PCDHA13: variants seen among roughly 807,000 people sequenced by gnomAD.
PCDHA13 encodes protocadherin alpha-13.
Under a neutral mutation model 64.8 loss-of-function variants are expected in PCDHA13, and 54 were observed. That is an observed-to-expected ratio of 0.83 (90% confidence interval 0.67 to 1.04). PCDHA13 has a LOEUF of 1.04. PCDHA13 is among the 50% of genes least tolerant of loss of function. PCDHA13 has a pLI of 0.00. For synonymous variants in PCDHA13, 587 were observed against 564.4 expected (o/e 1.04, Z -0.57); for missense variants, 1,248 against 1,254.3 (o/e 0.99, Z 0.08).
rs782343997 is a variant in PCDHA13 at position 140,882,709 on chromosome 5, T to C, written c.441T>C (p.Pro147=). 6 of 1,614,022 alleles carry C rather than the reference T, an allele frequency of 3.7e-6. No homozygotes were observed. In the Admixed American group the frequency reaches 6.7e-5, roughly 18 times the overall value. ...KKRIIIAESR[P]PETRFPLDGA... ...GAATAATCATTGCAGAATCTAGACC[T>C]CCGGAAACTCGATTTCCACTAGATG... is the stretch of plus-strand genomic sequence containing the variant. The change falls in exon 1 of 4, where the codon CCT becomes CCC. Residue 147 remains proline, a synonymous_variant. Coordinates refer to ENST00000289272, the MANE Select transcript of PCDHA13 (RefSeq NM_018904.3).
intron 1 of PCDHA13, among the ~76,000 whole-genome samples, chr5:140,909,383 C>T (rs782249699): frequency 5.9e-5 from 9 of 152,202 alleles, no homozygotes; most frequent in Non-Finnish European, 1.3e-4. Flanking sequence ...GAAACCACAT[C>T]TAGTACAGCA....
rs557640687 is a variant in PCDHA13 at position 140,964,686 on chromosome 5, C to T, written c.2395-14263C>T. 7.2e-5 allele frequency among the ~76,000 whole-genome samples: 11 copies of T among 151,874 alleles called. No individual in the cohort carries two copies. In the East Asian group the frequency reaches 2.1e-3, roughly 29 times the overall value. On this transcript the variant is annotated intron_variant, in intron 1 of 3. Coordinates refer to ENST00000289272, the MANE Select transcript of PCDHA13 (RefSeq NM_018904.3). ...ACAGGCCAGGTCCACAATTTGTGCA[C>T]TTGAGAGATTAAGGCCTCCGAGATC...
intron 3 of PCDHA13, among the ~76,000 whole-genome samples, chr5:140,999,591 C>T (rs2153957965): frequency 1.3e-5 from 2 of 152,208 alleles, no homozygotes; most frequent in South Asian, 4.2e-4. Flanking sequence ...AATTGCCTTC[C>T]CTACATCCTG....
Position 141,009,656 on chromosome 5 carries a change from G to T in PCDHA13, c.2572G>T (p.Val858Phe). The T allele has an allele frequency of 6.2e-7, 1 of 1,614,000 alleles. No individual in the cohort carries two copies. The highest frequency in any genetic ancestry group is 8.5e-7 in the Non-Finnish European group (1 of 1,179,978). Residue 858 changes from valine (V) to phenylalanine (F), a missense_variant, in exon 4 of 4, where the codon GTC (valine) becomes TTC (phenylalanine). Physicochemically the swap from Val to Phe is conservative, Grantham distance 50. Coordinates refer to ENST00000289272, the MANE Select transcript of PCDHA13 (RefSeq NM_018904.3). The stretch of plus-strand genomic sequence containing the variant: ...AGAGGCAGGAGAAGTGTCCCCTCCA[G>T]TCGGTGCGGGTGTCAACAGCAACAG... Reference protein sequence around the residue: ...EPEAGEVSPPVGAGVNSNSWT... With the variant: ...EPEAGEVSPPFGAGVNSNSWT...
intron 1 of PCDHA13, among the ~76,000 whole-genome samples, chr5:140,951,812 A>G (rs2094639418): frequency 1.3e-5 from 2 of 152,152 alleles, no homozygotes; most frequent in Admixed American, 1.3e-4. Context: ...ATGGTCCCTC[A>G]AAGTCTGAAC....
intron 1 of PCDHA13, chr5:140,969,549 C>A: frequency 1.6e-6 from 2 of 1,238,176 alleles, no homozygotes; most frequent in South Asian, 3.3e-5. Context: ...AGGCATGAAG[C>A]CTTGTCCATA....
At chr5:140,911,968 T>A (rs1554195054) in intron 1 of PCDHA13, among the ~76,000 whole-genome samples, 2 of 152,138 alleles carry the variant, frequency 1.3e-5, no homozygotes, top group East Asian at 3.9e-4. Flanking sequence ...TAAGGAGTAT[T>A]AACTCACATG....
At chr5:140,965,388 C>A (rs2095896527) in intron 1 of PCDHA13, among the ~76,000 whole-genome samples, 1 of 151,982 alleles carries the variant, frequency 6.6e-6, no homozygotes, top group Non-Finnish European at 1.5e-5. Flanking sequence ...CACAGAAGAA[C>A]AGAAGTCTAA....
At chr5:140,970,650 ATTG>A (rs2096422935) in intron 1 of PCDHA13, among the ~76,000 whole-genome samples, 1 of 152,200 alleles carries the variant, frequency 6.6e-6, no homozygotes, top group South Asian at 2.1e-4. Flanking sequence ...ATAGTGATGA[ATTG>A]TTATCTTTCC....
At chr5:140,885,157 C>G (rs2060491561) in intron 1 of PCDHA13, among the ~76,000 whole-genome samples, 1 of 151,962 alleles carries the variant, frequency 6.6e-6, no homozygotes, top group African/African-American at 2.4e-5. Context: ...TTGATTGTCT[C>G]TACTTTTTTG....
chr5:140,967,745 G>T, intron 1 of PCDHA13: 1 of 1,614,184 alleles, frequency 6.2e-7, no homozygotes, highest in Non-Finnish European at 8.5e-7. Flanking sequence ...GGATTATGAG[G>T]AAGCCTCCTC....
Position 140,883,262 on chromosome 5 carries a change from G to A in PCDHA13, c.994G>A (p.Gly332Ser), listed in dbSNP as rs1211665444. The A allele has an allele frequency of 6.2e-7, 1 of 1,613,838 alleles. No homozygotes were observed. Among genetic ancestry groups the A allele is most frequent in the Non-Finnish European group, 8.5e-7 (1 of 1,179,994 alleles). ...TGACAAAGGAAATATTCCAATGGCGGGTCATTGTACCCTTTTGGTGGAAGT... is the reference window on the plus strand; with the variant it reads ...TGACAAAGGAAATATTCCAATGGCGAGTCATTGTACCCTTTTGGTGGAAGT... Reference protein sequence around the residue: ...AVDKGNIPMAGHCTLLVEVLD... With the variant: ...AVDKGNIPMASHCTLLVEVLD... Residue 332 changes from glycine to serine, a missense_variant, in exon 1 of 4, where the codon GGT (glycine) becomes AGT (serine). Physicochemically the swap from Gly to Ser is moderately conservative, Grantham distance 56. Transcript: ENST00000289272.
chr5:140,906,075 C>A (rs2153492820), intron 1 of PCDHA13, among the ~76,000 whole-genome samples: 1 of 152,246 alleles, frequency 6.6e-6, no homozygotes, highest in African/African-American at 2.4e-5. Context: ...TAGATCGCAC[C>A]CACCCAGACT....
At chr5:140,959,544 T>C (rs2095494180) in intron 1 of PCDHA13, among the ~76,000 whole-genome samples, 1 of 152,208 alleles carries the variant, frequency 6.6e-6, no homozygotes, top group Non-Finnish European at 1.5e-5. Context: ...AGAGATGCTG[T>C]ATAAATAGAA....
chr5:140,882,218 G>A lies in PCDHA13; in HGVS notation c.-51G>A. The A allele has an allele frequency of 3.2e-6, 5 of 1,545,760 alleles. No homozygotes were observed. Among genetic ancestry groups the A allele is most frequent in the Non-Finnish European group, 4.4e-6 (5 of 1,145,626 alleles). ...AATTGGGCCTTGAGAGACAGTTTGA[G>A]GTAAGGCGTTGTATATATTGCAGAT... is the stretch of plus-strand genomic sequence containing the variant. On this transcript the variant is annotated 5_prime_UTR_variant, in exon 1 of 4. Transcript: ENST00000289272.
chr5:140,972,469 C>G (rs782470724), intron 1 of PCDHA13, among the ~76,000 whole-genome samples: 6 of 152,054 alleles, frequency 3.9e-5, no homozygotes, highest in Admixed American at 3.9e-4. Context: ...TATTAAACAT[C>G]AGCATTTAAC....
intron 1 of PCDHA13, among the ~76,000 whole-genome samples, chr5:140,931,894 A>G (rs1242530874): frequency 1.3e-5 from 2 of 151,966 alleles, no homozygotes; most frequent in African/African-American, 4.8e-5. Flanking sequence ...TTTTATTTCA[A>G]ATCATTTGAA....
chr5:140,884,340 C>G lies in PCDHA13; in HGVS notation c.2072C>G (p.Ala691Gly), dbSNP rs1480799859. Residue 691 changes from alanine (A) to glycine (G), a missense_variant, in exon 1 of 4, where the codon GCG becomes GGG. Coordinates refer to ENST00000289272, the MANE Select transcript of PCDHA13 (RefSeq NM_018904.3). ...TCGGCAGGCGCTGTGGGTCCAGAAGCGGCGCTGGTGGATGTCAATGTTTAC... is the reference window on the plus strand; with the variant it reads ...TCGGCAGGCGCTGTGGGTCCAGAAGGGGCGCTGGTGGATGTCAATGTTTAC... ...RASAGAVGPEAALVDVNVYLI... is the reference protein window; with the variant it reads ...RASAGAVGPEGALVDVNVYLI... The G allele has an allele frequency of 1.2e-6, 2 of 1,613,772 alleles. No individual in the cohort carries two copies. The highest frequency in any genetic ancestry group is 1.1e-5 in the South Asian group (1 of 91,086).
chr5:140,993,462 TCACACACACACA>T (rs3836747), intron 3 of PCDHA13, among the ~76,000 whole-genome samples: 1,999 of 141,038 alleles, frequency 0.014, 48 homozygotes, highest in African/African-American at 0.047. Context: ...TCTTTCTTTC[TCACACACACACA>T]CACACACACA....
Sources: allele counts gnomAD v4.1 joint callset (sites outside exome capture counted in the v4.1 genomes callset), GRCh38; gene constraint gnomAD v4.1.1; transcripts MANE v1.5; gene names NCBI Gene and HGNC (gene_info 2026-07-23, HGNC 2026-07-21).